OLFML2A: variants seen among roughly 807,000 people sequenced by gnomAD.
OLFML2A encodes olfactomedin-like protein 2A.
A neutral mutation model predicts 60.9 loss-of-function variants in OLFML2A; 47 were observed. The observed-to-expected ratio is 0.77, with a 90% CI of 0.61 to 0.98. OLFML2A has a LOEUF of 0.98. OLFML2A is among the 50% of genes least tolerant of loss of function. OLFML2A has a pLI of 0.00. For missense variants in OLFML2A, 922 were observed against 879.8 expected (o/e 1.05, Z -0.61); for synonymous variants, 372 against 375.0 (o/e 0.99, Z 0.09).
rs567936912 is a variant in OLFML2A, at chr9:124,793,195, G to A, written c.355-1829G>A. Reference sequence around the variant, plus strand: ...TGGGGCTGTGCGTGAGGGTGGGCCCGAGGAACTGCCCTTCCCAAGAAGCCA... The same window carrying A: ...TGGGGCTGTGCGTGAGGGTGGGCCCAAGGAACTGCCCTTCCCAAGAAGCCA... On this transcript the variant is annotated intron_variant, in intron 2 of 7. Transcript: ENST00000373580. Among the ~76,000 whole-genome samples the A allele has an allele frequency of 6.2e-4, 94 of 152,356 alleles. 2 individuals carry two copies. The highest frequency in any genetic ancestry group is 2.0e-3 in the African/African-American group (85 of 41,592).
At chr9:124,803,105 C>T (rs1204957316) in intron 5 of OLFML2A, among the ~76,000 whole-genome samples, 2 of 151,834 alleles carry the variant, frequency 1.3e-5, no homozygotes, top group Non-Finnish European at 2.9e-5. Flanking sequence ...GACGGGGTTT[C>T]GTCATGTTGG....
chr9:124,786,801 G>C (rs749375729), intron 1 of OLFML2A, among the ~76,000 whole-genome samples, 174 bp from the exon 2 acceptor site: 7 of 140,992 alleles, frequency 5.0e-5, no homozygotes, highest in Non-Finnish European at 1.1e-4. Flanking sequence ...CACACACAGA[G>C]TTGTTATTAT....
chr9:124,782,095 T>G (rs905742454), intron 1 of OLFML2A, among the ~76,000 whole-genome samples: 1 of 152,298 alleles, frequency 6.6e-6, no homozygotes, highest in Non-Finnish European at 1.5e-5. Flanking sequence ...AAGGGCAGGG[T>G]GGGCTGGGCC....
chr9:124,808,313 A>G (rs748383665), intron 7 of OLFML2A, among the ~76,000 whole-genome samples: 1 of 152,194 alleles, frequency 6.6e-6, no homozygotes, highest in Non-Finnish European at 1.5e-5. Flanking sequence ...CCCCCCGTGT[A>G]TCAGCTCTTG....
At chr9:124,804,560 C>A (rs1841852920) in intron 6 of OLFML2A, among the ~76,000 whole-genome samples, 1 of 151,992 alleles carries the variant, frequency 6.6e-6, no homozygotes, top group South Asian at 2.1e-4. Context: ...CCCCTCTCTA[C>A]TAAAAATAAA....
In OLFML2A at chr9:124,804,360, G is replaced by A. The variant is rs368946899; in HGVS notation, c.1168+18G>A. The A allele has an allele frequency of 8.0e-5, 122 of 1,530,592 alleles. No individual in the cohort carries two copies. Among genetic ancestry groups the A allele is most frequent in the Non-Finnish European group, 1.0e-4 (117 of 1,136,738 alleles). The allele number at this position is 1,530,592 out of a possible 1,614,324, so 94.8% of individuals were successfully genotyped here. A position where few individuals can be genotyped will look rare whatever the true frequency, so the allele number is the denominator to read the frequency against. On this transcript the variant is annotated intron_variant, in intron 6 of 7. Transcript: ENST00000373580. Reference sequence around the variant, plus strand: ...CAGCCAAGGTGAGTGAGCCTCACAGGAGTCAGCACACTGTAGCCTGTGCCC... The same window carrying A: ...CAGCCAAGGTGAGTGAGCCTCACAGAAGTCAGCACACTGTAGCCTGTGCCC...
chr9:124,795,389 G>A (rs965416574), intron 3 of OLFML2A, among the ~76,000 whole-genome samples: 5 of 152,224 alleles, frequency 3.3e-5, no homozygotes. Context: ...AAGGGGTTCA[G>A]AGGGAGCTGG....
chr9:124,788,878 T>A (rs866411312), intron 2 of OLFML2A, among the ~76,000 whole-genome samples: 20 of 152,280 alleles, frequency 1.3e-4, no homozygotes, highest in Middle Eastern at 3.4e-3. Context: ...TAAACCACCT[T>A]GCTTTCCTGT....
rs989116307 is a variant in OLFML2A at position 124,811,561 on chromosome 9, G to A, written c.*1149G>A. 6.6e-6 allele frequency: 1 copy of A among 152,558 alleles called. No homozygotes were observed. The highest frequency in any genetic ancestry group is 1.5e-5 in the Non-Finnish European group (1 of 68,162). The allele number at this position is 152,558 out of a possible 1,614,324, so 9.5% of individuals were successfully genotyped here. ...GGCTGCAGAAGACATGGTGTGAGTA[G>A]TTGGGTCCAGGGGAGGCATCAGGCC... On this transcript the variant is annotated 3_prime_UTR_variant, in exon 8 of 8. Transcript: ENST00000373580.
chr9:124,795,597 G>A (rs1372288425), intron 3 of OLFML2A, among the ~76,000 whole-genome samples: 1 of 152,190 alleles, frequency 6.6e-6, no homozygotes. Context: ...TGGCCAATAT[G>A]ATGAAACCCC....
At position 124,798,135 on chromosome 9, in the gene OLFML2A, A is replaced by T. The variant is rs552200579; in HGVS notation, c.463-1150A>T. On this transcript the variant is annotated intron_variant, in intron 3 of 7. Transcript: ENST00000373580. ...CACTGTTTGAAGATTTTATAAGCAG[A>T]AGATATTTATGTATTATGTATACAA... Among the ~76,000 whole-genome samples, 3 of 152,356 alleles carry T rather than the reference A, an allele frequency of 2.0e-5. No individual in the cohort carries two copies. The East Asian group carries it at 5.8e-4, about 29-fold the overall frequency.
At chr9:124,796,991 T>C (rs1276485902) in intron 3 of OLFML2A, among the ~76,000 whole-genome samples, 1 of 152,138 alleles carries the variant, frequency 6.6e-6, no homozygotes, top group Non-Finnish European at 1.5e-5. Context: ...ATCCCTGGGA[T>C]CTAGTTTTTT....
chr9:124,807,738 T>C (rs748813784), intron 6 of OLFML2A, 43 bp from the exon 7 acceptor site: 1 of 1,518,626 alleles, frequency 6.6e-7, no homozygotes, highest in Non-Finnish European at 8.9e-7. Context: ...GCTGGGGGGC[T>C]TGGGGGTCTG....
At chr9:124,805,808 G>GTTTTTTT (rs59555267) in intron 6 of OLFML2A, among the ~76,000 whole-genome samples, 33 of 71,282 alleles carry the variant, frequency 4.6e-4, no homozygotes, top group South Asian at 7.7e-4. Context: ...GGTTTTTTTG[G>GTTTTTTT]TTTTTTTTTT....
chr9:124,808,508 C>A (rs991592998), intron 7 of OLFML2A, among the ~76,000 whole-genome samples: 5 of 152,086 alleles, frequency 3.3e-5, no homozygotes, highest in Non-Finnish European at 7.3e-5. Context: ...ATCTAGCCTG[C>A]CCTTCAGAAA....
rs373271578 is a variant in OLFML2A, at chr9:124,810,314, G to A, written c.1861G>A (p.Ala621Thr). 25 of 1,607,306 alleles carry A rather than the reference G, an allele frequency of 1.6e-5. No individual in the cohort carries two copies. The African/African-American group carries it at 1.6e-4, about 10-fold the overall frequency. The change falls in exon 8 of 8, where the codon GCC becomes ACC. Residue 621 changes from alanine to threonine, a missense_variant. Coordinates refer to ENST00000373580, the MANE Select transcript of OLFML2A (RefSeq NM_182487.4). ...CCAGCTGCCGTTCCTCAACGAGCAC[G>A]CCTACACCACCCAGATCGACTACAA... ...RPQLPFLNEH[A>T]YTTQIDYNPK...
chr9:124,788,010 G>T (rs13300997), intron 2 of OLFML2A, among the ~76,000 whole-genome samples: 1 of 151,958 alleles, frequency 6.6e-6, no homozygotes, highest in African/African-American at 2.4e-5. Context: ...GTGAGAATTA[G>T]AAACCTTCGG....
intron 2 of OLFML2A, among the ~76,000 whole-genome samples, chr9:124,790,289 C>G (rs1001387253): frequency 5.9e-5 from 9 of 152,154 alleles, no homozygotes; most frequent in Admixed American, 1.3e-4. Flanking sequence ...CTCATCTCAG[C>G]CTCCTGAGTG....
intron 4 of OLFML2A, among the ~76,000 whole-genome samples, chr9:124,800,520 G>GC (rs1841753462): frequency 6.6e-6 from 1 of 152,244 alleles, no homozygotes; most frequent in Non-Finnish European, 1.5e-5. Context: ...TGACTGCCAA[G>GC]CCCACCCTCT....
Sources: allele counts gnomAD v4.1 joint callset (sites outside exome capture counted in the v4.1 genomes callset), GRCh38; gene constraint gnomAD v4.1.1; transcripts MANE v1.5; gene names NCBI Gene and HGNC (gene_info 2026-07-23, HGNC 2026-07-21).